Variants in TRIML1 observed in about 807,000 individuals in gnomAD.
TRIML1 encodes the protein probable E3 ubiquitin-protein ligase TRIML1.
A neutral mutation model predicts 32.3 loss-of-function variants in TRIML1; 34 were observed. That is an observed-to-expected ratio of 1.05 (90% CI 0.80 to 1.40). TRIML1 has a LOEUF of 1.40. TRIML1 is among the 40% of genes most tolerant of loss of function. TRIML1 has a pLI of 0.00. For synonymous variants in TRIML1, 244 were observed against 226.6 expected (o/e 1.08, Z -0.69); for missense variants, 595 against 574.9 (o/e 1.03, Z -0.36).
chr4:188,143,519 T>C, intron 3 of TRIML1: 1 of 376,328 alleles, frequency 2.7e-6, no homozygotes. Context: ...CATTTTCCTT[T>C]GTTATCTCTG....
rs1239210346 is a variant in TRIML1 at position 188,142,246 on chromosome 4, TG to T, written c.505-4del. 3 of 1,493,438 alleles carry T rather than the reference TG, an allele frequency of 2.0e-6. No individual in the cohort carries two copies. The highest frequency in any genetic ancestry group is 1.8e-5 in the Admixed American group (1 of 56,360). 92.5% of individuals were successfully genotyped at this position (1,493,438 alleles called of 1,614,324 possible). The stretch of plus-strand genomic sequence containing the variant: ...TGTGTGTGTGTGTGTGTGTGTGTTT[TG>T]GCAGGAAGAAACAAAGACTTGTAAA... On this transcript the variant is annotated splice_region_variant and splice_polypyrimidine_tract_variant and intron_variant, in intron 2 of 5. Coordinates refer to ENST00000332517, the MANE Select transcript of TRIML1 (RefSeq NM_178556.5).
At chr4:188,145,311 G>A (rs932112901) in intron 5 of TRIML1, among the ~76,000 whole-genome samples, 1 of 151,410 alleles carries the variant, frequency 6.6e-6, no homozygotes, top group Non-Finnish European at 1.5e-5. Flanking sequence ...GAGTGATGGT[G>A]GGCACCTGTA....
chr4:188,150,560 G>A (rs549253035), downstream of TRIML1, among the ~76,000 whole-genome samples: 5 of 152,186 alleles, frequency 3.3e-5, no homozygotes, highest in East Asian at 7.7e-4. Flanking sequence ...TTTTGTGGAG[G>A]GACTAAATAA....
intron 2 of TRIML1, among the ~76,000 whole-genome samples, chr4:188,141,417 C>T (rs548880163): frequency 3.3e-5 from 5 of 152,130 alleles, no homozygotes; most frequent in South Asian, 4.1e-4. Flanking sequence ...CCACCTGTCT[C>T]GGTCTCCCAA....
intron 5 of TRIML1, among the ~76,000 whole-genome samples, chr4:188,145,562 C>T (rs1467774851): frequency 6.7e-6 from 1 of 150,322 alleles, no homozygotes; most frequent in East Asian, 2.0e-4. Flanking sequence ...GTGGCTCATG[C>T]CTGTAATCCC....
intron 5 of TRIML1, among the ~76,000 whole-genome samples, chr4:188,145,831 A>G (rs1735057670): frequency 6.6e-6 from 1 of 151,994 alleles, no homozygotes; most frequent in Non-Finnish European, 1.5e-5. Flanking sequence ...AAAATAAAAA[A>G]ATAAAAGGAG....
At chr4:188,145,651 C>T (rs1735049033) in intron 5 of TRIML1, among the ~76,000 whole-genome samples, 1 of 151,102 alleles carries the variant, frequency 6.6e-6, no homozygotes, top group Non-Finnish European at 1.5e-5. Context: ...GATGAAACCC[C>T]ATCTCTACTA....
In TRIML1 at chr4:188,139,576, G is replaced by A; in HGVS notation, c.18G>A (p.Leu6=). The A allele has an allele frequency of 6.3e-7, 1 of 1,593,602 alleles. No individual in the cohort carries two copies. The highest frequency in any genetic ancestry group is 1.7e-5 in the Admixed American group (1 of 58,086). The part of the protein sequence containing the change: MSTAD[L]MENLREELTC... ...TCGAGAAAATGTCTACAGCAGATCT[G>A]ATGGAGAACCTCAGGGAGGAACTCA... Residue 6 remains leucine (L), a synonymous_variant, in exon 1 of 6, where the codon CTG becomes CTA. Transcript: ENST00000332517.
chr4:188,146,290 C>T, intron 5 of TRIML1, among the ~76,000 whole-genome samples: 1 of 152,184 alleles, frequency 6.6e-6, no homozygotes. Flanking sequence ...GGATTCTCCT[C>T]CCCACCTCAG....
At chr4:188,145,251 A>G (rs1483396237) in intron 5 of TRIML1, among the ~76,000 whole-genome samples, 1 of 151,632 alleles carries the variant, frequency 6.6e-6, no homozygotes, top group East Asian at 2.0e-4. Flanking sequence ...CAGCCTGGCC[A>G]ACATGGTGAA....
chr4:188,140,726 G>A, intron 2 of TRIML1, 103 bp downstream of exon 2: 2 of 847,562 alleles, frequency 2.4e-6, no homozygotes, highest in South Asian at 3.2e-5. Flanking sequence ...AATTTTTCCA[G>A]TCTCACCTCT....
chr4:188,146,082 G>T (rs1253238944), intron 5 of TRIML1, among the ~76,000 whole-genome samples: 1 of 152,176 alleles, frequency 6.6e-6, no homozygotes, highest in African/African-American at 2.4e-5. Context: ...GTGATTAAAT[G>T]AGATAATGTA....
chr4:188,149,316 G>A (rs541911846), downstream of TRIML1, among the ~76,000 whole-genome samples: 8 of 152,186 alleles, frequency 5.3e-5, 1 homozygote, highest in South Asian at 1.5e-3. Flanking sequence ...TCTCAGATAA[G>A]CCATTGTCCT....
At position 188,144,045 on chromosome 4, in the gene TRIML1, A is replaced by G. The variant is rs1323243999; in HGVS notation, c.768A>G (p.Pro256=). The G allele has an allele frequency of 2.5e-6, 4 of 1,613,796 alleles. No individual in the cohort carries two copies. Among genetic ancestry groups the G allele is most frequent in the Non-Finnish European group, 3.4e-6 (4 of 1,179,936 alleles). ...EVRGALERSE[P]LLLQCPEATT... ...CTCTGCTCTCTTGCAGGAGCGAGCC[A>G]CTCTTGCTTCAGTGTCCAGAGGCCA... The change falls in exon 5 of 6, where the codon CCA becomes CCG. Residue 256 remains proline, a synonymous_variant. Coordinates refer to ENST00000332517, the MANE Select transcript of TRIML1 (RefSeq NM_178556.5).
Position 188,147,120 on chromosome 4 carries a change from T to C in TRIML1, c.1155T>C (p.Asp385=). Residue 385 remains aspartate, a synonymous_variant, in exon 6 of 6, where the codon GAT becomes GAC. Coordinates refer to ENST00000332517, the MANE Select transcript of TRIML1 (RefSeq NM_178556.5). The stretch of plus-strand genomic sequence containing the variant: ...CACTAATAGGTTTAAAAATCGGAGA[T>C]GATTACAGCCTCTGGGTCTCGTCAC... ...LFSLIGLKIG[D]DYSLWVSSPL... 2 of 1,614,070 alleles carry C rather than the reference T, an allele frequency of 1.2e-6. No individual in the cohort carries two copies. The highest frequency in any genetic ancestry group is 1.1e-5 in the South Asian group (1 of 91,080).
upstream of TRIML1, among the ~76,000 whole-genome samples, chr4:188,137,999 G>C (rs1005861921): frequency 6.7e-6 from 1 of 149,836 alleles, no homozygotes; most frequent in Non-Finnish European, 1.5e-5. Context: ...TATCCTGGAG[G>C]CTATCTTGGT....
At position 188,147,077 on chromosome 4, in the gene TRIML1, C is replaced by T. The variant is rs1735113490; in HGVS notation, c.1112C>T (p.Pro371Leu). 6.2e-7 allele frequency: 1 copy of T among 1,613,800 alleles called. No individual in the cohort carries two copies. The highest frequency in any genetic ancestry group is 8.5e-7 in the Non-Finnish European group (1 of 1,179,916). Residue 371 changes from proline to leucine, a missense_variant, in exon 6 of 6, where the codon CCA becomes CTA. Physicochemically the swap from Pro to Leu is moderately conservative, Grantham distance 98. Transcript: ENST00000332517. ...AGCAGAAAGGGGAATCTCCCCAAGC[C>T]ACCTGGGGACCTGTTCTCACTAATA... Reference protein sequence around the residue: ...SVSRKGNLPKPPGDLFSLIGL... With the variant: ...SVSRKGNLPKLPGDLFSLIGL...
At chr4:188,141,281 C>A (rs901530391) in intron 2 of TRIML1, among the ~76,000 whole-genome samples, 1 of 151,152 alleles carries the variant, frequency 6.6e-6, no homozygotes, top group African/African-American at 2.4e-5. Context: ...GATTCTCCTG[C>A]CTCAGCCTTC....
At position 188,139,456 on chromosome 4, in the gene TRIML1, G is replaced by C. The variant is rs11934889; in HGVS notation, c.-103G>C. 822,580 of 1,159,800 alleles carry C rather than the reference G, an allele frequency of 0.71. 302,252 individuals are homozygous for C. Among genetic ancestry groups the C allele is most frequent in the Non-Finnish European group, 0.77 (630,268 of 820,606 alleles). 71.8% of individuals were successfully genotyped at this position (1,159,800 alleles called of 1,614,324 possible). Reference sequence around the variant, plus strand: ...AGGGTTTCTTGTCATAACAACATAGGAACAGGTCACCCGCGTGTTACTCAA... The same window carrying C: ...AGGGTTTCTTGTCATAACAACATAGCAACAGGTCACCCGCGTGTTACTCAA... On this transcript the variant is annotated 5_prime_UTR_variant, in exon 1 of 6. Coordinates refer to ENST00000332517, the MANE Select transcript of TRIML1 (RefSeq NM_178556.5).
Sources: gnomAD v4.1 joint callset for allele counts (sites outside exome capture counted in the v4.1 genomes callset) on GRCh38, gnomAD v4.1.1 for gene constraint, MANE v1.5 for transcripts, NCBI Gene and HGNC (gene_info 2026-07-23, HGNC 2026-07-21) for gene names.